Variants in NTM observed in about 807,000 individuals in gnomAD.
The protein encoded by NTM is IgLON family member 2.
Under a neutral mutation model 42.1 loss-of-function variants are expected in NTM, and 13 were observed. The observed-to-expected ratio is 0.31, with a 90% CI of 0.20 to 0.49. The LOEUF (loss-of-function observed/expected upper bound fraction) is 0.49, where lower values mean the gene tolerates loss of function less well. Ranked by LOEUF, NTM falls within the 20% of genes least tolerant of loss-of-function variation. The probability of loss-of-function intolerance (pLI) is 0.99; values close to 1 mark genes in which losing one functional copy is unlikely to be tolerated. For missense variants in NTM, 373 were observed against 452.8 expected (o/e 0.82, Z 1.60); for synonymous variants, 187 against 179.2 (o/e 1.04, Z -0.35).
At chr11:132,297,276 C>T (rs962282743) in intron 4 of NTM, among the ~76,000 whole-genome samples, 3 of 152,216 alleles carry the variant, frequency 2.0e-5, no homozygotes, top group African/African-American at 7.2e-5. Flanking sequence ...TTTCTGCTCC[C>T]TCTGTCCCCC....
chr11:132,296,820 CT>C (rs1183487056), intron 4 of NTM, among the ~76,000 whole-genome samples: 11 of 152,338 alleles, frequency 7.2e-5, no homozygotes, highest in Admixed American at 6.5e-4. Context: ...CAGTGGAATG[CT>C]AAGAACAGAG....
At chr11:131,603,285 C>G (rs1237128013) in intron 1 of NTM, among the ~76,000 whole-genome samples, 2 of 152,018 alleles carry the variant, frequency 1.3e-5, no homozygotes, top group Non-Finnish European at 1.5e-5. Flanking sequence ...TATCCTCTCT[C>G]TGCTTGGGCC....
intron 4 of NTM, among the ~76,000 whole-genome samples, chr11:132,244,318 TG>T (rs2090713514): frequency 6.6e-6 from 1 of 152,214 alleles, no homozygotes; most frequent in Non-Finnish European, 1.5e-5. Flanking sequence ...TCTCTGCCTA[TG>T]GGTTTTTATT....
intron 1 of NTM, among the ~76,000 whole-genome samples, chr11:131,680,058 C>T (rs1401791166): frequency 6.6e-6 from 1 of 152,154 alleles, no homozygotes; most frequent in Admixed American, 6.5e-5. Context: ...TAAATCCCTC[C>T]TGGACAAGGG....
chr11:131,463,522 T>C (rs1430311935), intron 1 of NTM, among the ~76,000 whole-genome samples: 3 of 152,174 alleles, frequency 2.0e-5, no homozygotes, highest in Non-Finnish European at 4.4e-5. Flanking sequence ...AGGCACATGG[T>C]GAATATTTAG....
intron 2 of NTM, among the ~76,000 whole-genome samples, chr11:132,140,534 C>A (rs1037269715): frequency 1.3e-5 from 2 of 152,138 alleles, no homozygotes; most frequent in Non-Finnish European, 2.9e-5. Context: ...TGACCCAGAT[C>A]AATTTTGTAA....
intron 1 of NTM, among the ~76,000 whole-genome samples, chr11:131,496,377 A>G (rs1404160934): frequency 6.6e-6 from 1 of 152,102 alleles, no homozygotes; most frequent in Non-Finnish European, 1.5e-5. Context: ...TGCAAACCCT[A>G]CCTTTCTCTC....
intron 1 of NTM, among the ~76,000 whole-genome samples, chr11:131,829,348 C>T (rs1398410949): frequency 6.6e-6 from 1 of 152,074 alleles, no homozygotes; most frequent in African/African-American, 2.4e-5. Flanking sequence ...CCTGTCCCCT[C>T]CCTCTAGAAT....
intron 1 of NTM, among the ~76,000 whole-genome samples, chr11:131,814,598 G>A (rs923997306): frequency 6.7e-6 from 1 of 149,132 alleles, no homozygotes; most frequent in Non-Finnish European, 1.5e-5. Flanking sequence ...CTAAAAGGTC[G>A]CCTAATCTTG....
rs138437333 is a variant in NTM at position 132,196,473 on chromosome 11, T to TA, written c.401-15539dup. 1.6e-3 allele frequency among the ~76,000 whole-genome samples: 242 copies of TA among 147,500 alleles called. 2 individuals are homozygous for TA. The highest frequency in any genetic ancestry group is 5.0e-3 in the African/African-American group (203 of 40,404). Reference sequence around the variant, plus strand: ...CCACAAGGAAAAGAAATTGTCCCACTAAAAAAAAAATACACTCATATGTTT... The same window carrying TA: ...CCACAAGGAAAAGAAATTGTCCCACTAAAAAAAAAAATACACTCATATGTTT... On this transcript the variant is annotated intron_variant, in intron 3 of 8. Transcript: ENST00000683400.
At chr11:132,122,634 G>A (rs1455363558) in intron 2 of NTM, among the ~76,000 whole-genome samples, 1 of 152,162 alleles carries the variant, frequency 6.6e-6, no homozygotes, top group African/African-American at 2.4e-5. Context: ...ATAAGCAGCA[G>A]TGCCACCTCA....
intron 4 of NTM, among the ~76,000 whole-genome samples, chr11:132,268,213 T>G (rs992614505): frequency 1.3e-5 from 2 of 152,224 alleles, no homozygotes; most frequent in African/African-American, 4.8e-5. Flanking sequence ...CCAATAAGAC[T>G]TATATTAAAG....
intron 2 of NTM, among the ~76,000 whole-genome samples, chr11:132,033,166 A>G (rs186933679): frequency 6.6e-6 from 1 of 152,338 alleles, no homozygotes; most frequent in Non-Finnish European, 1.5e-5. Flanking sequence ...GCTGCGGGCA[A>G]GTAGCACTGC....
chr11:132,287,574 A>G (rs979410330), intron 4 of NTM, among the ~76,000 whole-genome samples: 1 of 152,172 alleles, frequency 6.6e-6, no homozygotes, highest in Admixed American at 6.5e-5. Flanking sequence ...GGAGAAAAGG[A>G]TCAGAGAGAC....
chr11:131,998,450 C>A (rs936151883), intron 2 of NTM, among the ~76,000 whole-genome samples: 1 of 152,192 alleles, frequency 6.6e-6, no homozygotes, highest in African/African-American at 2.4e-5. Flanking sequence ...TTGGGGCCAC[C>A]CTGGCCAGCC....
intron 7 of NTM, among the ~76,000 whole-genome samples, chr11:132,315,305 G>T (rs2095399504): frequency 1.3e-5 from 2 of 152,132 alleles, no homozygotes; most frequent in South Asian, 4.1e-4. Context: ...AAGTGAGCGA[G>T]CTCCCTTGTA....
chr11:131,606,196 G>T (rs1052889902), intron 1 of NTM, among the ~76,000 whole-genome samples: 3 of 151,964 alleles, frequency 2.0e-5, no homozygotes, highest in Admixed American at 1.3e-4. Context: ...CCACCTTCAG[G>T]CACACACCAC....
intron 3 of NTM, among the ~76,000 whole-genome samples, chr11:132,184,270 C>T (rs2138109698): frequency 6.6e-6 from 1 of 152,296 alleles, no homozygotes; most frequent in African/African-American, 2.4e-5. Context: ...TTGCTCTGTT[C>T]TCCCGGGCTG....
chr11:132,303,734 A>T (rs1339098833), intron 4 of NTM, among the ~76,000 whole-genome samples: 2 of 144,444 alleles, frequency 1.4e-5, no homozygotes, highest in Non-Finnish European at 1.5e-5. Flanking sequence ...AAAAAAAACA[A>T]TCTGTGAAGA....
Sources: gnomAD v4.1 joint callset for allele counts (sites outside exome capture counted in the v4.1 genomes callset) on GRCh38, gnomAD v4.1.1 for gene constraint, MANE v1.5 for transcripts, NCBI Gene and HGNC (gene_info 2026-07-23, HGNC 2026-07-21) for gene names.